PI4KB: variants seen among roughly 807,000 people sequenced by gnomAD.
PI4KB encodes PtdIns 4-kinase beta.
PI4KB carries 23 observed loss-of-function variants against 81.4 expected under a neutral mutation model. That is an observed-to-expected ratio of 0.28 (90% confidence interval 0.20 to 0.40). The LOEUF (loss-of-function observed/expected upper bound fraction) is 0.40. Ranked by LOEUF, PI4KB falls within the 10% of genes least tolerant of loss-of-function variation. The pLI is 1.00. For synonymous variants in PI4KB, 381 were observed against 406.8 expected (o/e 0.94, Z 0.76); for missense variants, 651 against 1,036.6 (o/e 0.63, Z 5.11).
intron 2 of PI4KB, among the ~76,000 whole-genome samples, chr1:151,314,279 C>T (rs587735531): frequency 5.1e-4 from 77 of 152,316 alleles, no homozygotes; most frequent in African/African-American, 1.8e-3. Flanking sequence ...CAAATTCCTC[C>T]TTTTTTTCTC....
chr1:151,327,279 G>T lies in PI4KB; in HGVS notation c.-37C>A, dbSNP rs925930907. The T allele has an allele frequency of 1.4e-4, 54 of 391,766 alleles. No individual in the cohort carries two copies. The Middle Eastern group carries it at 1.9e-3, about 14-fold the overall frequency. The allele number at this position is 391,766 out of a possible 1,614,324, so 24.3% of individuals were successfully genotyped here. ...AAGGAGGAGTAGCTTACCTCTGGGG[G>T]ACCCCCGCGGAGGGGGTGCGGGCAG... On this transcript the variant is annotated 5_prime_UTR_variant, in exon 1 of 12. Transcript: ENST00000368873.
At chr1:151,324,239 G>A (rs753382992) in intron 1 of PI4KB, among the ~76,000 whole-genome samples, 1 of 152,210 alleles carries the variant, frequency 6.6e-6, no homozygotes, top group Admixed American at 6.5e-5. Context: ...GGGATTACGG[G>A]CATGAGCCAC....
chr1:151,321,497 G>A (rs950109071), intron 1 of PI4KB, among the ~76,000 whole-genome samples: 1 of 151,940 alleles, frequency 6.6e-6, no homozygotes, highest in Non-Finnish European at 1.5e-5. Flanking sequence ...CGATTCTCCT[G>A]CCTCAGCCTC....
Position 151,316,471 on chromosome 1 carries a change from G to A in PI4KB, c.11C>T (p.Thr4Ile), listed in dbSNP as rs888671749. ...CTTCAAGGGGGCAGGCTCCACTACT[G>A]TATCTCCCATGGCCACAGCCAGACT... MGDTVVEPAPLKPT... is the reference protein window; with the variant it reads MGDIVVEPAPLKPT... The change falls in exon 2 of 12, where the codon ACA becomes ATA. Residue 4 changes from threonine to isoleucine, a missense_variant. Thr to Ile is a moderately conservative substitution (Grantham distance 89). Around this residue, in one of 5 missense-constraint regions of PI4KB, gnomAD observed 314 missense variants for 397.8 expected, o/e 0.79. Coordinates refer to ENST00000368873, the MANE Select transcript of PI4KB (RefSeq NM_001369623.2). The A allele has an allele frequency of 2.0e-6, 3 of 1,531,602 alleles. No individual in the cohort carries two copies. The highest frequency in any genetic ancestry group is 1.8e-6 in the Non-Finnish European group (2 of 1,142,408). The allele number at this position is 1,531,602 out of a possible 1,614,324, so 94.9% of individuals were successfully genotyped here.
intron 1 of PI4KB, among the ~76,000 whole-genome samples, chr1:151,322,515 T>C (rs2102019072): frequency 6.6e-6 from 1 of 152,264 alleles, no homozygotes; most frequent in South Asian, 2.1e-4. Flanking sequence ...ATCAATCCCC[T>C]CACCCAGTTA....
At chr1:151,310,048 T>C (rs975017031) in intron 3 of PI4KB, among the ~76,000 whole-genome samples, 163 bp downstream of exon 3, 6 of 152,126 alleles carry the variant, frequency 3.9e-5, no homozygotes, top group African/African-American at 1.4e-4. Flanking sequence ...TCAGGGGAAC[T>C]CCAGCAGATC....
chr1:151,325,656 G>A (rs1250379848), intron 1 of PI4KB, among the ~76,000 whole-genome samples: 1 of 152,152 alleles, frequency 6.6e-6, no homozygotes, highest in Non-Finnish European at 1.5e-5. Flanking sequence ...AGCAGGCCTG[G>A]AGCTTGTCTT....
intron 9 of PI4KB, among the ~76,000 whole-genome samples, chr1:151,296,334 C>T (rs976118908): frequency 7.9e-5 from 12 of 152,042 alleles, no homozygotes; most frequent in African/African-American, 2.9e-4. Context: ...GTGGAATGAG[C>T]GCAGGGTGGA....
intron 8 of PI4KB, 147 bp downstream of exon 8, chr1:151,301,697 A>G (rs1462028717): frequency 7.7e-6 from 5 of 652,386 alleles, no homozygotes; most frequent in African/African-American, 7.5e-5. Flanking sequence ...ACACCCGGCC[A>G]TAATTTTTGT....
At chr1:151,325,543 C>A (rs1649485757) in intron 1 of PI4KB, among the ~76,000 whole-genome samples, 1 of 152,214 alleles carries the variant, frequency 6.6e-6, no homozygotes, top group African/African-American at 2.4e-5. Flanking sequence ...CACAAACATA[C>A]TTTCTACCTA....
Position 151,307,598 on chromosome 1 carries a change from A to C in PI4KB, c.1158T>G (p.Ala386=), listed in dbSNP as rs1372173940. Reference sequence around the variant, plus strand: ...CCTTGTCCTTGGAGTTGAGGACAACAGCCTGTGTGTGGGGTACACGGACCA... The same window carrying C: ...CCTTGTCCTTGGAGTTGAGGACAACCGCCTGTGTGTGGGGTACACGGACCA... ...HHVVRVPHTQ[A]VVLNSKDKAP... The change falls in exon 4 of 12, where the codon GCT becomes GCG. Residue 386 remains alanine (A), a synonymous_variant. Coordinates refer to ENST00000368873, the MANE Select transcript of PI4KB (RefSeq NM_001369623.2). 6.2e-7 allele frequency: 1 copy of C among 1,613,762 alleles called. No individual in the cohort carries two copies. Among genetic ancestry groups the C allele is most frequent in the African/African-American group, 1.3e-5 (1 of 74,920 alleles).
chr1:151,310,232 A>ACT lies in PI4KB; in HGVS notation c.931_932dup (p.Ser311ArgfsTer23). On this transcript the variant is annotated frameshift_variant, in exon 3 of 12. Transcript: ENST00000368873. LOFTEE classifies it high-confidence loss of function. ...TTACGGAACTGAATGAATTATCAATACTCTCGGTGCTGGAGGAGAGCTCCT... is the reference window on the plus strand; with the variant it reads ...TTACGGAACTGAATGAATTATCAATACTCTCTCGGTGCTGGAGGAGAGCTCCT... 2 of 1,595,174 alleles carry ACT rather than the reference A, an allele frequency of 1.3e-6. No individual in the cohort carries two copies. Among genetic ancestry groups the ACT allele is most frequent in the Non-Finnish European group, 1.7e-6 (2 of 1,171,994 alleles).
intron 4 of PI4KB, 164 bp from the exon 5 acceptor site, chr1:151,306,527 T>G: frequency 1.7e-6 from 1 of 603,124 alleles, no homozygotes; most frequent in African/African-American, 1.9e-5. Flanking sequence ...ATACTTGTCC[T>G]ATGATCACCT....
chr1:151,317,385 G>C (rs1648126095), intron 1 of PI4KB, among the ~76,000 whole-genome samples: 2 of 150,606 alleles, frequency 1.3e-5, no homozygotes, highest in Admixed American at 6.6e-5. Flanking sequence ...GGCGCGATCA[G>C]AACTCACTGT....
chr1:151,308,480 T>C (rs2101965848), intron 3 of PI4KB, among the ~76,000 whole-genome samples: 1 of 152,282 alleles, frequency 6.6e-6, no homozygotes, highest in African/African-American at 2.4e-5. Flanking sequence ...AGGAGGTAGG[T>C]AGATGGAGAA....
At chr1:151,298,451 A>C in intron 9 of PI4KB, 1 of 234,202 alleles carries the variant, frequency 4.3e-6, no homozygotes, top group Non-Finnish European at 8.4e-6. Flanking sequence ...ACCACCTCCT[A>C]CTCCACTGCC....
At chr1:151,317,821 T>C (rs1295023247) in intron 1 of PI4KB, among the ~76,000 whole-genome samples, 1 of 150,252 alleles carries the variant, frequency 6.7e-6, no homozygotes, top group Non-Finnish European at 1.5e-5. Context: ...TTTATTTTTA[T>C]TTTTTAGAGA....
At chr1:151,322,935 C>T (rs1205366777) in intron 1 of PI4KB, among the ~76,000 whole-genome samples, 1 of 152,076 alleles carries the variant, frequency 6.6e-6, no homozygotes, top group African/African-American at 2.4e-5. Flanking sequence ...CAACTAGTCT[C>T]CTCTATCCTT....
intron 1 of PI4KB, among the ~76,000 whole-genome samples, chr1:151,326,941 A>C (rs552981582): frequency 3.1e-4 from 47 of 152,310 alleles, no homozygotes; most frequent in African/African-American, 1.1e-3. Context: ...GAGGAAGGAC[A>C]AGGATGGGCA....
Sources: gnomAD v4.1 joint callset for allele counts (sites outside exome capture counted in the v4.1 genomes callset) on GRCh38, gnomAD v4.1.1 for gene constraint, gnomAD v4.1.1 regional missense constraint, MANE v1.5 for transcripts, NCBI Gene and HGNC (gene_info 2026-07-23, HGNC 2026-07-21) for gene names.